The following IL33 variants were observed in gnomAD, a reference collection of about 807,000 sequenced individuals.
IL33 encodes the protein interleukin 33, also known as interleukin-33.
IL33 carries 37 observed loss-of-function variants against 27.3 expected under a neutral mutation model. That is an observed-to-expected ratio of 1.36 (90% CI 1.04 to 1.78). The LOEUF is 1.78. Among genes scored for constraint, IL33 ranks in the 40% most tolerant of loss-of-function variants. The pLI is 0.00. For synonymous variants in IL33, 132 were observed against 102.9 expected, an observed-to-expected ratio of 1.28 and a Z score of -1.71; for missense variants, 406 against 311.4, an observed-to-expected ratio of 1.30 and a Z score of -2.29.
chr9:6,217,501 G>C (rs1226183519), intron 1 of IL33, among the ~76,000 whole-genome samples: 1 of 152,130 alleles, frequency 6.6e-6, no homozygotes, highest in Admixed American at 6.5e-5. Flanking sequence ...ATGGGGGTTG[G>C]TTATGTCAGA....
intron 1 of IL33, among the ~76,000 whole-genome samples, chr9:6,221,283 T>C (rs1286736002): frequency 2.0e-5 from 3 of 152,178 alleles, no homozygotes; most frequent in Non-Finnish European, 4.4e-5. Context: ...TTAATCACAA[T>C]TGTCAGTATG....
At chr9:6,219,364 G>A (rs1818315177) in intron 1 of IL33, among the ~76,000 whole-genome samples, 1 of 152,038 alleles carries the variant, frequency 6.6e-6, no homozygotes, top group African/African-American at 2.4e-5. Context: ...TCAGTATGCA[G>A]GGAGTGGTAA....
intron 2 of IL33, among the ~76,000 whole-genome samples, chr9:6,243,973 TTTTAC>T (rs1477385976): frequency 5.3e-5 from 8 of 152,316 alleles, no homozygotes; most frequent in African/African-American, 1.9e-4. Context: ...GAACCAATCC[TTTTAC>T]TTGTAGCTGA....
At chr9:6,244,806 A>C (rs139827823) in intron 2 of IL33, among the ~76,000 whole-genome samples, 68 of 152,332 alleles carry the variant, frequency 4.5e-4, no homozygotes, top group African/African-American at 1.6e-3. Flanking sequence ...ATGCCAAGAC[A>C]CAAGGCAAGA....
intron 2 of IL33, among the ~76,000 whole-genome samples, chr9:6,250,215 G>C (rs977870387): frequency 2.0e-5 from 3 of 151,994 alleles, no homozygotes; most frequent in African/African-American, 7.3e-5. Flanking sequence ...ATTTTCCTAT[G>C]TTTCAATATA....
intron 1 of IL33, among the ~76,000 whole-genome samples, chr9:6,228,720 T>G (rs921734867): frequency 2.0e-5 from 3 of 151,806 alleles, no homozygotes; most frequent in African/African-American, 7.3e-5. Flanking sequence ...CCGAGTGTGG[T>G]GGCACACACC....
Position 6,252,725 on chromosome 9 carries a change from A to G in IL33, c.344-141A>G, listed in dbSNP as rs561541109. The G allele has an allele frequency of 3.1e-5, 29 of 937,726 alleles. No homozygotes were observed. In the South Asian group the frequency reaches 4.4e-4, roughly 14 times the overall value. The allele number at this position is 937,726 out of a possible 1,614,324, so 58.1% of individuals were successfully genotyped here. On this transcript the variant is annotated intron_variant, in intron 4 of 7. Coordinates refer to ENST00000682010, the MANE Select transcript of IL33 (RefSeq NM_033439.4). ...CATCTCAGCCTTTTAGCTATGTAAA[A>G]CTTGTATCAAAGGCTTTAATCTAGC...
intron 1 of IL33, among the ~76,000 whole-genome samples, chr9:6,237,641 A>G (rs1014254268): frequency 1.3e-5 from 2 of 152,220 alleles, no homozygotes; most frequent in Non-Finnish European, 2.9e-5. Flanking sequence ...TCAATAAAGG[A>G]CTATCAACAC....
At chr9:6,226,263 C>T (rs1230778637) in intron 1 of IL33, among the ~76,000 whole-genome samples, 1 of 152,046 alleles carries the variant, frequency 6.6e-6, no homozygotes, top group Non-Finnish European at 1.5e-5. Context: ...GATCATCCCA[C>T]CTCAGCTTCC....
intron 1 of IL33, among the ~76,000 whole-genome samples, chr9:6,240,531 C>G (rs548207098): frequency 3.2e-4 from 48 of 152,198 alleles, no homozygotes; most frequent in African/African-American, 1.0e-3. Context: ...ATTTGTGTAT[C>G]TAAACATATC....
chr9:6,246,716 C>T (rs780204197), intron 2 of IL33, among the ~76,000 whole-genome samples: 17 of 152,124 alleles, frequency 1.1e-4, no homozygotes, highest in Non-Finnish European at 2.1e-4. Flanking sequence ...AGTTCAGTCC[C>T]CATCCTTTCT....
At chr9:6,252,035 G>GAAAAAAAAAAAAAAAAAAAAAAAAAA (rs1285022798) in intron 4 of IL33, among the ~76,000 whole-genome samples, 1 of 36,326 alleles carries the variant, frequency 2.8e-5, no homozygotes, top group Non-Finnish European at 5.3e-5. Flanking sequence ...GGCTGTCTCA[G>GAAAAAAAAAAAAAAAAAAAAAAAAAA]AAAAAAAACA....
rs1418685499 is a variant in IL33, at chr9:6,227,926, C to T, written c.-12+12074C>T. On this transcript the variant is annotated intron_variant, in intron 1 of 7. Coordinates refer to ENST00000682010, the MANE Select transcript of IL33 (RefSeq NM_033439.4). ...ATGCAACGGATTTGGATTCCTCCAC[C>T]CCTTTCCTGAAGTACCTCATGAACT... 2.6e-5 allele frequency among the ~76,000 whole-genome samples: 4 copies of T among 152,100 alleles called. No individual in the cohort carries two copies. In the East Asian group the frequency reaches 7.7e-4, roughly 29 times the overall value.
At position 6,256,066 on chromosome 9, in the gene IL33, A is replaced by C. The variant is rs995464089; in HGVS notation, c.711A>C (p.Gly237=). The C allele has an allele frequency of 6.2e-7, 1 of 1,613,000 alleles. No homozygotes were observed. The highest frequency in any genetic ancestry group is 1.3e-5 in the African/African-American group (1 of 74,878). The change falls in exon 8 of 8, where the codon GGA becomes GGC. Residue 237 remains glycine, a synonymous_variant. Transcript: ENST00000682010. The part of the protein sequence containing the change: ...CVSFECKTDP[G]VFIGVKDNHL... ...CATTTGAATGCAAGACTGATCCTGG[A>C]GTGTTTATAGGTGTAAAGGATAATC...
chr9:6,244,620 C>G lies in IL33; in HGVS notation c.91+2835C>G, dbSNP rs549325110. Among the ~76,000 whole-genome samples, 57 of 152,184 alleles carry G rather than the reference C, an allele frequency of 3.7e-4. No individual in the cohort carries two copies. In the Middle Eastern group the frequency reaches 0.014, roughly 36 times the overall value. On this transcript the variant is annotated intron_variant, in intron 2 of 7. Coordinates refer to ENST00000682010, the MANE Select transcript of IL33 (RefSeq NM_033439.4). ...GGTAACTGAAATCATGGAAAGTAAACCCACAGATGGGGGCAAGCAGGATAG... is the reference window on the plus strand; with the variant it reads ...GGTAACTGAAATCATGGAAAGTAAAGCCACAGATGGGGGCAAGCAGGATAG...
intron 1 of IL33, among the ~76,000 whole-genome samples, chr9:6,228,919 A>T (rs570854408): frequency 9.9e-5 from 15 of 152,232 alleles, no homozygotes; most frequent in Admixed American, 9.2e-4. Flanking sequence ...AAAACCAAAA[A>T]ATGCTGCAGA....
chr9:6,249,282 A>G lies in IL33; in HGVS notation c.92-1192A>G, dbSNP rs546810893. Among the ~76,000 whole-genome samples the G allele has an allele frequency of 6.6e-5, 10 of 152,310 alleles. No individual in the cohort carries two copies. The East Asian group carries it at 1.3e-3, about 21-fold the overall frequency. ...ATCTTTAAAAAGCATTATTTTAGGA[A>G]GGCAAATCCACTGGAGAATTTTTTT... On this transcript the variant is annotated intron_variant, in intron 2 of 7. Transcript: ENST00000682010.
intron 2 of IL33, among the ~76,000 whole-genome samples, chr9:6,243,868 CT>C (rs1344377494): frequency 6.6e-6 from 1 of 152,158 alleles, no homozygotes; most frequent in African/African-American, 2.4e-5. Context: ...CTCATTCTGT[CT>C]TCCCTGAGGC....
At chr9:6,241,650 A>G in intron 1 of IL33, 34 bp from the exon 2 acceptor site, 1 of 1,335,622 alleles carries the variant, frequency 7.5e-7, no homozygotes. Context: ...TTAAGTTGAG[A>G]CAAATGAACT....
Sources: gnomAD v4.1 joint callset for allele counts (sites outside exome capture counted in the v4.1 genomes callset) on GRCh38, gnomAD v4.1.1 for gene constraint, MANE v1.5 for transcripts, NCBI Gene and HGNC (gene_info 2026-07-23, HGNC 2026-07-21) for gene names.